Variants in SCYL1 observed in about 807,000 individuals in gnomAD.
The protein encoded by SCYL1 is N-terminal kinase-like protein.
SCYL1 carries 85 observed loss-of-function variants against 94.8 expected under a neutral mutation model. The observed-to-expected ratio is 0.90, with a 90% CI of 0.75 to 1.07. The LOEUF is 1.07. SCYL1 is among the 50% of genes least tolerant of loss of function. The pLI, the probability that SCYL1 is intolerant of heterozygous loss-of-function variation, is 0.00. For missense variants in SCYL1, 968 were observed against 1,083.3 expected (o/e 0.89, Z 1.49); for synonymous variants, 459 against 435.5 (o/e 1.05, Z -0.67).
rs2135056123 is a variant in SCYL1, at chr11:65,530,847, G to A, written c.1008+60G>A. 1.9e-6 allele frequency: 3 copies of A among 1,546,904 alleles called. No homozygotes were observed. The South Asian group carries it at 3.6e-5, about 19-fold the overall frequency. On this transcript the variant is annotated intron_variant, in intron 7 of 17. Coordinates refer to ENST00000270176, the MANE Select transcript of SCYL1 (RefSeq NM_020680.4). The stretch of plus-strand genomic sequence containing the variant: ...GGTGCACAGGAACTGCCAAAGAGAA[G>A]GCCCTGGGGTAGGGCAGGCTGTTTA...
In SCYL1 at chr11:65,536,040, G is replaced by A; in HGVS notation, c.1474G>A (p.Ala492Thr). ...CCGGGTTGCGGGTGTCCTGGGCTTTGCTGCCACCCACAACCTCTACTCAAT... is the reference window on the plus strand; with the variant it reads ...CCGGGTTGCGGGTGTCCTGGGCTTTACTGCCACCCACAACCTCTACTCAAT... ...PSRVAGVLGF[A>T]ATHNLYSMND... is the part of the protein sequence containing the mutation. Residue 492 changes from alanine to threonine, a missense_variant, in exon 11 of 18, where the codon GCT (alanine) becomes ACT (threonine). Ala to Thr is a moderately conservative substitution (Grantham distance 58, BLOSUM62 0). Transcript: ENST00000270176. 1 of 1,614,174 alleles carries A rather than the reference G, an allele frequency of 6.2e-7. No individual in the cohort carries two copies. Among genetic ancestry groups the A allele is most frequent in the South Asian group, 1.1e-5 (1 of 91,084 alleles).
In SCYL1 at chr11:65,538,052, G is replaced by A; in HGVS notation, c.2117G>A (p.Trp706Ter). 1 of 1,610,620 alleles carries A rather than the reference G, an allele frequency of 6.2e-7. No homozygotes were observed. Among genetic ancestry groups the A allele is most frequent in the East Asian group, 2.2e-5 (1 of 44,766 alleles). The change falls in exon 16 of 18, where the codon TGG becomes TAG. Residue 706 changes from tryptophan (W) to a stop codon, truncating the protein, a stop_gained. Coordinates refer to ENST00000270176, the MANE Select transcript of SCYL1 (RefSeq NM_020680.4). LOFTEE classifies it high-confidence loss of function. ...WEAEGSWEQG[W>*]QEPSSQEPPP... ...GCTGAGGGCTCCTGGGAACAGGGCTGGCAGGAGCCAAGCTCCCAGGAGCCA... is the reference window on the plus strand; with the variant it reads ...GCTGAGGGCTCCTGGGAACAGGGCTAGCAGGAGCCAAGCTCCCAGGAGCCA...
In SCYL1 at chr11:65,538,092, A is replaced by G. The variant is rs757089072; in HGVS notation, c.2157A>G (p.Thr719=). The G allele has an allele frequency of 1.2e-6, 2 of 1,605,920 alleles. No homozygotes were observed. Among genetic ancestry groups the G allele is most frequent in the South Asian group, 1.1e-5 (1 of 89,760 alleles). ...CCCAGGAGCCACCTCCTGACGGTACACGGCTGGCCAGCGAGTATAACTGGG... is the reference window on the plus strand; with the variant it reads ...CCCAGGAGCCACCTCCTGACGGTACGCGGCTGGCCAGCGAGTATAACTGGG... ...PSSQEPPPDG[T]RLASEYNWGG... is the part of the protein sequence containing the mutation. The change falls in exon 16 of 18, where the codon ACA becomes ACG. Residue 719 remains threonine, a synonymous_variant. Transcript: ENST00000270176.
At position 65,537,999 on chromosome 11, in the gene SCYL1, C is replaced by A; in HGVS notation, c.2064C>A (p.Ser688=). ...VSNSDHKSSK[S]PESDWSSWEA... is the part of the protein sequence containing the mutation. Reference sequence around the variant, plus strand: ...ACTCCGACCACAAATCCTCCAAATCCCCAGAGTCCGACTGGAGCAGCTGGG... The same window carrying A: ...ACTCCGACCACAAATCCTCCAAATCACCAGAGTCCGACTGGAGCAGCTGGG... Residue 688 remains serine, a synonymous_variant, in exon 16 of 18, where the codon TCC becomes TCA. Transcript: ENST00000270176. 1 of 1,612,916 alleles carries A rather than the reference C, an allele frequency of 6.2e-7. No individual in the cohort carries two copies. Among genetic ancestry groups the A allele is most frequent in the Non-Finnish European group, 8.5e-7 (1 of 1,179,436 alleles).
intron 17 of SCYL1, 54 bp downstream of exon 17, chr11:65,538,378 C>G: frequency 2.6e-6 from 4 of 1,539,176 alleles, no homozygotes; most frequent in Non-Finnish European, 3.5e-6. Flanking sequence ...CTAGCCCGCC[C>G]CTACAGGCCC....
At chr11:65,531,493 A>T in intron 7 of SCYL1, 83 bp from the exon 8 acceptor site, 1 of 989,296 alleles carries the variant, frequency 1.0e-6, no homozygotes, top group Non-Finnish European at 1.6e-6. Flanking sequence ...CCACCCTGGG[A>T]TATCAGCCCC....
At chr11:65,533,004 G>C (rs1186169947) in intron 9 of SCYL1, 199 bp downstream of exon 9, 1 of 565,672 alleles carries the variant, frequency 1.8e-6, no homozygotes. Context: ...GCATCTGCCT[G>C]TTCCTGGCCC....
intron 12 of SCYL1, 42 bp downstream of exon 12, chr11:65,536,376 C>T: frequency 6.9e-6 from 11 of 1,598,704 alleles, no homozygotes; most frequent in Non-Finnish European, 9.4e-6. Flanking sequence ...CCTGCCATGT[C>T]CTTGACTGTG....
In SCYL1 at chr11:65,537,038, C is replaced by G; in HGVS notation, c.1869C>G (p.Gly623=). 1.2e-6 allele frequency: 2 copies of G among 1,613,754 alleles called. No homozygotes were observed. Among genetic ancestry groups the G allele is most frequent in the South Asian group, 2.2e-5 (2 of 91,072 alleles). The part of the protein sequence containing the change: ...TPVPATPTTS[G]HWETQEEDKD... ...TTCCTGCCACCCCTACAACCTCAGG[C>G]CACTGGGAGACGCAGGAGGAGGACA... is the stretch of plus-strand genomic sequence containing the variant. Residue 623 remains glycine, a synonymous_variant, in exon 14 of 18, where the codon GGC becomes GGG. Transcript: ENST00000270176.
At position 65,536,452 on chromosome 11, in the gene SCYL1, C is replaced by G. The variant is rs1160282293; in HGVS notation, c.1651+118C>G. The G allele has an allele frequency of 2.1e-6, 3 of 1,410,480 alleles. No individual in the cohort carries two copies. The South Asian group carries it at 3.7e-5, about 17-fold the overall frequency. The allele number at this position is 1,410,480 out of a possible 1,614,324, so 87.4% of individuals were successfully genotyped here. A position where few individuals can be genotyped will look rare whatever the true frequency, so the allele number is the denominator to read the frequency against. On this transcript the variant is annotated intron_variant, in intron 12 of 17. Coordinates refer to ENST00000270176, the MANE Select transcript of SCYL1 (RefSeq NM_020680.4). Reference sequence around the variant, plus strand: ...CCTAGTGAGCAGACTTGACTCAGCTCCCCCTTCACAGATGGGAGAAATCAG... The same window carrying G: ...CCTAGTGAGCAGACTTGACTCAGCTGCCCCTTCACAGATGGGAGAAATCAG...
intron 14 of SCYL1, 135 bp downstream of exon 14, chr11:65,537,263 T>C: frequency 1.0e-6 from 1 of 975,940 alleles, no homozygotes; most frequent in Non-Finnish European, 1.5e-6. Context: ...GTAGGCCTCA[T>C]GGAGTGGCCA....
intron 6 of SCYL1, 147 bp from the exon 7 acceptor site, chr11:65,530,482 G>A (rs1293878150): frequency 1.3e-6 from 1 of 781,640 alleles, no homozygotes; most frequent in African/African-American, 1.8e-5. Flanking sequence ...TGGCAGGTAA[G>A]TGGGACAGTT....
chr11:65,532,598 C>A, intron 8 of SCYL1, 94 bp from the exon 9 acceptor site: 1 of 1,020,786 alleles, frequency 9.8e-7, no homozygotes, highest in Non-Finnish European at 1.5e-6. Context: ...CCAGTGCCTG[C>A]TGGGTGGAAA....
chr11:65,532,834 C>T (rs779076799), intron 9 of SCYL1, 29 bp downstream of exon 9: 25 of 1,571,844 alleles, frequency 1.6e-5, no homozygotes, highest in Middle Eastern at 1.7e-4. Context: ...AGAGTGGCTA[C>T]CCCTGGTTTT....
chr11:65,525,502 T>C (rs2135025666), intron 1 of SCYL1, 72 bp from the exon 2 acceptor site: 1 of 1,556,142 alleles, frequency 6.4e-7, no homozygotes, highest in South Asian at 1.2e-5. Flanking sequence ...GGGAGAGACC[T>C]GGCTGCGGGC....
Position 65,532,838 on chromosome 11 carries a change from T to C in SCYL1, c.1230+33T>C, listed in dbSNP as rs748119743. The stretch of plus-strand genomic sequence containing the variant: ...TGGCCAGGCCCAGAGTGGCTACCCC[T>C]GGTTTTCCAAGGCTTGGAGGGGCTC... On this transcript the variant is annotated intron_variant, in intron 9 of 17. Coordinates refer to ENST00000270176, the MANE Select transcript of SCYL1 (RefSeq NM_020680.4). 1.9e-6 allele frequency: 3 copies of C among 1,557,230 alleles called. No individual in the cohort carries two copies. The African/African-American group carries it at 4.1e-5, about 21-fold the overall frequency.
rs112732662 is a variant in SCYL1 at position 65,534,908 on chromosome 11, G to A, written c.1231-319G>A. On this transcript the variant is annotated intron_variant, in intron 9 of 17. Coordinates refer to ENST00000270176, the MANE Select transcript of SCYL1 (RefSeq NM_020680.4). Reference sequence around the variant, plus strand: ...TGGCTGTTGAAATTAGTACCGGGGAGGGCATCAGTGACCTCACCCTGAGCC... The same window carrying A: ...TGGCTGTTGAAATTAGTACCGGGGAAGGCATCAGTGACCTCACCCTGAGCC... Among the ~76,000 whole-genome samples, 354 of 152,272 alleles carry A rather than the reference G, an allele frequency of 2.3e-3. 1 individual carries two copies. Among genetic ancestry groups the A allele is most frequent in the African/African-American group, 8.3e-3 (343 of 41,554 alleles).
chr11:65,538,700 T>A lies in SCYL1; in HGVS notation c.*134T>A. The A allele has an allele frequency of 8.3e-7, 1 of 1,203,610 alleles. No individual in the cohort carries two copies. Among genetic ancestry groups the A allele is most frequent in the Non-Finnish European group, 1.1e-6 (1 of 882,800 alleles). The allele number at this position is 1,203,610 out of a possible 1,614,324, so 74.6% of individuals were successfully genotyped here. On this transcript the variant is annotated 3_prime_UTR_variant, in exon 18 of 18. Transcript: ENST00000270176. ...AATCAGAGCCACAATAAATTCTATT[T>A]CACACCCCTTGTGCCGGGCTCAGTC...
chr11:65,537,678 A>G, intron 14 of SCYL1, 131 bp from the exon 15 acceptor site: 1 of 743,128 alleles, frequency 1.3e-6, no homozygotes, highest in Non-Finnish European at 2.2e-6. Context: ...TAGATGGGAA[A>G]CAGGGCCTGA....
Sources: allele counts gnomAD v4.1 joint callset (sites outside exome capture counted in the v4.1 genomes callset), GRCh38; gene constraint gnomAD v4.1.1; transcripts MANE v1.5; gene names NCBI Gene and HGNC (gene_info 2026-07-23, HGNC 2026-07-21).